Variants in KRCC1 observed in about 807,000 individuals in gnomAD.
KRCC1 encodes lysine rich coiled-coil 1.
Under a neutral mutation model 7.4 loss-of-function variants are expected in KRCC1, and 3 were observed. The ratio of observed to expected loss-of-function variants is 0.40; its 90% confidence interval spans 0.18 to 1.04. The LOEUF (loss-of-function observed/expected upper bound fraction) is 1.04. KRCC1 is among the 50% of genes least tolerant of loss of function. The pLI is 0.33. For missense variants in KRCC1, 277 were observed against 300.9 expected (o/e 0.92, Z 0.59); for synonymous variants, 102 against 101.6 (o/e 1.00, Z -0.02).
At chr2:88,048,424 G>A (rs1427928757) in intron 1 of KRCC1, among the ~76,000 whole-genome samples, 5 of 152,100 alleles carry the variant, frequency 3.3e-5, no homozygotes, top group Admixed American at 1.3e-4. Flanking sequence ...TGTTTTATGA[G>A]AAGGCCTATG....
At chr2:88,041,950 T>TC (rs139644233) in intron 1 of KRCC1, among the ~76,000 whole-genome samples, 9,203 of 151,920 alleles carry the variant, frequency 0.061, 321 homozygotes, top group Middle Eastern at 0.11. Flanking sequence ...GTAGCATCTC[T>TC]CCCCCCCGAT....
chr2:88,028,955 T>A (rs567108459), intron 3 of KRCC1, among the ~76,000 whole-genome samples: 3 of 152,266 alleles, frequency 2.0e-5, no homozygotes, highest in African/African-American at 7.2e-5. Flanking sequence ...CTGGCCTCCT[T>A]TGCTCTTAAA....
At chr2:88,050,269 A>G (rs969060307) in intron 1 of KRCC1, among the ~76,000 whole-genome samples, 1 of 152,234 alleles carries the variant, frequency 6.6e-6, no homozygotes, top group Non-Finnish European at 1.5e-5. Context: ...TAATTACTCA[A>G]TAAGTAGCCA....
rs1487414703 is a variant in KRCC1, at chr2:88,028,121, G to C, written c.443C>G (p.Thr148Ser). The C allele has an allele frequency of 1.2e-6, 2 of 1,613,950 alleles. No individual in the cohort carries two copies. Among genetic ancestry groups the C allele is most frequent in the African/African-American group, 1.3e-5 (1 of 74,884 alleles). Reference sequence around the variant, plus strand: ...TATCTGTTTGTGACTGGCTTGATGAGTACTGGTACTGTTATCTGAGGAGAA... The same window carrying C: ...TATCTGTTTGTGACTGGCTTGATGACTACTGGTACTGTTATCTGAGGAGAA... Reference protein sequence around the residue: ...KHFSSDNSTSTHQASHKQIHQ... With the variant: ...KHFSSDNSTSSHQASHKQIHQ... Residue 148 changes from threonine (T) to serine (S), a missense_variant, in exon 4 of 4, where the codon ACT (threonine) becomes AGT (serine). Thr to Ser is a moderately conservative substitution (Grantham distance 58, BLOSUM62 1). Coordinates refer to ENST00000347055, the MANE Select transcript of KRCC1 (RefSeq NM_016618.3).
At chr2:88,051,719 G>A (rs1368510948) in intron 1 of KRCC1, among the ~76,000 whole-genome samples, 2 of 152,222 alleles carry the variant, frequency 1.3e-5, no homozygotes, top group African/African-American at 4.8e-5. Flanking sequence ...AATGTCATCT[G>A]AGATTACTTT....
chr2:88,036,897 A>C (rs1019952182), intron 2 of KRCC1, 46 bp downstream of exon 2: 2 of 152,204 alleles, frequency 1.3e-5, no homozygotes, highest in African/African-American at 4.8e-5. Context: ...TACCCACTAC[A>C]TTTAAAAAGT....
At position 88,028,480 on chromosome 2, in the gene KRCC1, C is replaced by T. The variant is rs767268639; in HGVS notation, c.84G>A (p.Glu28=). ...TCATCTTTCTGAAACAAGTCTTTGG[C>T]TCTAAGCCTCTGGCTTTCTGTACTT... ...YIKVQKARGL[E]PKTCFRKMKG... Residue 28 remains glutamate, a synonymous_variant, in exon 4 of 4, where the codon GAG becomes GAA. Transcript: ENST00000347055. 1.9e-6 allele frequency: 3 copies of T among 1,613,724 alleles called. No individual in the cohort carries two copies. In the Admixed American group the frequency reaches 5.0e-5, roughly 27 times the overall value.
At chr2:88,044,354 A>G (rs1339439656) in intron 1 of KRCC1, among the ~76,000 whole-genome samples, 1 of 152,028 alleles carries the variant, frequency 6.6e-6, no homozygotes, top group Admixed American at 6.6e-5. Context: ...CAGGAGTTCA[A>G]GACCAGCCTG....
intron 3 of KRCC1, among the ~76,000 whole-genome samples, chr2:88,033,293 G>T (rs1162172548): frequency 6.6e-6 from 1 of 152,178 alleles, no homozygotes; most frequent in Non-Finnish European, 1.5e-5. Context: ...GGAGGCTGAG[G>T]CAGGCAGATC....
intron 3 of KRCC1, among the ~76,000 whole-genome samples, chr2:88,033,203 A>G (rs1180969646): frequency 6.6e-6 from 1 of 152,116 alleles, no homozygotes; most frequent in Non-Finnish European, 1.5e-5. Context: ...TTATATGCTA[A>G]CTATACCTCA....
At position 88,027,497 on chromosome 2, in the gene KRCC1, A is replaced by G. The variant is rs1672896149; in HGVS notation, c.*287T>C. On this transcript the variant is annotated 3_prime_UTR_variant, in exon 4 of 4. Coordinates refer to ENST00000347055, the MANE Select transcript of KRCC1 (RefSeq NM_016618.3). Reference sequence around the variant, plus strand: ...CCAATTTAAAATAAATAACCTCCCAACAGAAAATATTTCCACCATCAAAGC... The same window carrying G: ...CCAATTTAAAATAAATAACCTCCCAGCAGAAAATATTTCCACCATCAAAGC... 6.6e-6 allele frequency: 2 copies of G among 302,644 alleles called. No individual in the cohort carries two copies. Among genetic ancestry groups the G allele is most frequent in the Non-Finnish European group, 1.2e-5 (2 of 165,556 alleles). 18.7% of individuals were successfully genotyped at this position (302,644 alleles called of 1,614,324 possible).
At position 88,027,595 on chromosome 2, in the gene KRCC1, CT is replaced by C; in HGVS notation, c.*188del. ...TATATGTTCAAAAAATGTAATAATG[CT>C]TTTAGAAAATGAGGAAAAGCAATTT... is the stretch of plus-strand genomic sequence containing the variant. On this transcript the variant is annotated 3_prime_UTR_variant, in exon 4 of 4. Transcript: ENST00000347055. 2.1e-6 allele frequency: 1 copy of C among 482,866 alleles called. No homozygotes were observed. The highest frequency in any genetic ancestry group is 3.8e-5 in the Admixed American group (1 of 26,552). The allele number at this position is 482,866 out of a possible 1,614,324, so 29.9% of individuals were successfully genotyped here. A position where few individuals can be genotyped will look rare whatever the true frequency, so the allele number is the denominator to read the frequency against.
At chr2:88,028,712 T>G (rs115286565) in intron 3 of KRCC1, 127 bp from the exon 4 acceptor site, 16,911 of 616,950 alleles carry the variant, frequency 0.027, 1,256 homozygotes, top group East Asian at 0.21. Context: ...TGCAGTGGGG[T>G]TGCTCTTGGG....
chr2:88,028,978 A>G (rs1441705700), intron 3 of KRCC1, among the ~76,000 whole-genome samples: 2 of 152,106 alleles, frequency 1.3e-5, no homozygotes, highest in African/African-American at 4.8e-5. Context: ...GAGCTTTGAA[A>G]AACAAAGCAG....
intron 1 of KRCC1, among the ~76,000 whole-genome samples, chr2:88,037,891 C>A (rs150516664): frequency 1.5e-4 from 23 of 152,306 alleles, no homozygotes; most frequent in African/African-American, 5.5e-4. Flanking sequence ...GCCAAAATTA[C>A]TACGTTTACA....
intron 1 of KRCC1, among the ~76,000 whole-genome samples, chr2:88,041,794 T>C (rs907872836): frequency 3.3e-5 from 5 of 152,362 alleles, no homozygotes; most frequent in East Asian, 3.9e-4. Context: ...CAGACTGTGA[T>C]TGTTGTGGAG....
chr2:88,034,406 G>T (rs1003097204), intron 2 of KRCC1, 114 bp from the exon 3 acceptor site: 1 of 152,022 alleles, frequency 6.6e-6, no homozygotes, highest in African/African-American at 2.4e-5. Flanking sequence ...TTATTAATTT[G>T]CTTCTTATAA....
At chr2:88,033,300 G>C (rs1673030166) in intron 3 of KRCC1, among the ~76,000 whole-genome samples, 1 of 152,174 alleles carries the variant, frequency 6.6e-6, no homozygotes, top group Admixed American at 6.5e-5. Flanking sequence ...GAGGCAGGCA[G>C]ATCACCTGAG....
chr2:88,049,699 A>G (rs933341398), intron 1 of KRCC1, among the ~76,000 whole-genome samples: 4 of 152,228 alleles, frequency 2.6e-5, no homozygotes, highest in Admixed American at 6.5e-5. Context: ...TTCTGTCCTA[A>G]CATATGTGGT....
Sources: gnomAD v4.1 joint callset for allele counts (sites outside exome capture counted in the v4.1 genomes callset) on GRCh38, gnomAD v4.1.1 for gene constraint, MANE v1.5 for transcripts, NCBI Gene and HGNC (gene_info 2026-07-23, HGNC 2026-07-21) for gene names.